The following CELF4 variants were observed in gnomAD, a reference collection of about 807,000 sequenced individuals.
CELF4 encodes the protein CUG-BP- and ETR-3-like factor 4.
Under a neutral mutation model 59.9 loss-of-function variants are expected in CELF4, and 18 were observed. The observed-to-expected ratio is 0.30, with a 90% CI of 0.21 to 0.45. CELF4 has a LOEUF of 0.45. Among genes scored for constraint, CELF4 ranks in the 20% least tolerant of loss-of-function variants. The pLI is 1.00. For synonymous variants in CELF4, 261 were observed against 267.1 expected, an observed-to-expected ratio of 0.98 and a Z score of 0.22; for missense variants, 456 against 689.0, an observed-to-expected ratio of 0.66 and a Z score of 3.79.
chr18:37,311,173 T>G (rs2096633666), intron 3 of CELF4, among the ~76,000 whole-genome samples: 1 of 152,132 alleles, frequency 6.6e-6, no homozygotes, highest in African/African-American at 2.4e-5. Context: ...AAAAACAAAA[T>G]GCAGATCAAT....
chr18:37,401,217 G>A (rs1241495103), intron 2 of CELF4, among the ~76,000 whole-genome samples: 1 of 152,158 alleles, frequency 6.6e-6, no homozygotes, highest in Non-Finnish European at 1.5e-5. Flanking sequence ...AGAAAGCGAC[G>A]GACATGGAGA....
chr18:37,402,275 C>T (rs1321993477), intron 2 of CELF4, among the ~76,000 whole-genome samples: 1 of 152,202 alleles, frequency 6.6e-6, no homozygotes, highest in South Asian at 2.1e-4. Flanking sequence ...AGTTTAATTA[C>T]CATCCGTCTT....
intron 12 of CELF4, among the ~76,000 whole-genome samples, chr18:37,250,869 C>T (rs1404414258): frequency 6.6e-6 from 1 of 152,160 alleles, no homozygotes; most frequent in Non-Finnish European, 1.5e-5. Flanking sequence ...TAAATGTCAA[C>T]CTTACTGTAG....
At chr18:37,477,899 T>C (rs1219822465) in intron 2 of CELF4, among the ~76,000 whole-genome samples, 1 of 152,066 alleles carries the variant, frequency 6.6e-6, no homozygotes, top group Non-Finnish European at 1.5e-5. Context: ...AGTGTGAAAA[T>C]TGCAAAATGC....
intron 3 of CELF4, among the ~76,000 whole-genome samples, chr18:37,288,736 A>G (rs1480549401): frequency 6.6e-6 from 1 of 152,114 alleles, no homozygotes; most frequent in Non-Finnish European, 1.5e-5. Flanking sequence ...ATTCTTTCTA[A>G]TGACTAATGA....
chr18:37,426,013 T>G (rs2099609921), intron 2 of CELF4, among the ~76,000 whole-genome samples: 1 of 152,166 alleles, frequency 6.6e-6, no homozygotes, highest in South Asian at 2.1e-4. Flanking sequence ...TGAGGGACAG[T>G]GGCCACTGGG....
At chr18:37,563,953 C>T (rs1056812814) in intron 1 of CELF4, among the ~76,000 whole-genome samples, 1 of 152,178 alleles carries the variant, frequency 6.6e-6, no homozygotes. Flanking sequence ...AAAATCGCTG[C>T]TGCTTAGAGA....
intron 1 of CELF4, among the ~76,000 whole-genome samples, chr18:37,554,538 T>C (rs2099984215): frequency 6.6e-6 from 1 of 151,988 alleles, no homozygotes; most frequent in Non-Finnish European, 1.5e-5. Flanking sequence ...CACCCGCCCC[T>C]CATCTTAGCA....
chr18:37,353,156 A>G (rs2920475), intron 2 of CELF4, among the ~76,000 whole-genome samples: 90,909 of 147,668 alleles, frequency 0.62, 28,931 homozygotes, highest in East Asian at 0.79. Flanking sequence ...GGGAGGCGGA[A>G]GTTGCAGTGA....
chr18:37,447,253 C>T (rs912149556), intron 2 of CELF4, among the ~76,000 whole-genome samples: 7 of 152,204 alleles, frequency 4.6e-5, no homozygotes, highest in African/African-American at 7.2e-5. Context: ...ATCCAGAGCA[C>T]GTCACAGAGA....
intron 1 of CELF4, among the ~76,000 whole-genome samples, chr18:37,514,131 T>C (rs2154604408): frequency 6.6e-6 from 1 of 152,290 alleles, no homozygotes; most frequent in Admixed American, 6.5e-5. Flanking sequence ...GGGTCCCTGG[T>C]ACCTCTTTCT....
In CELF4 at chr18:37,296,342, C is replaced by T. The variant is rs527480411; in HGVS notation, c.449-21099G>A. Among the ~76,000 whole-genome samples the T allele has an allele frequency of 2.6e-3, 402 of 152,268 alleles. 4 individuals are homozygous for T. Among genetic ancestry groups the T allele is most frequent in the African/African-American group, 9.4e-3 (390 of 41,558 alleles). ...GAGACCACAGCTGGCATTACAGGTG[C>T]ATGCCACCATGCCTGCCTAATTTTT... On this transcript the variant is annotated intron_variant, in intron 3 of 12. Coordinates refer to ENST00000420428, the MANE Select transcript of CELF4 (RefSeq NM_020180.4).
intron 3 of CELF4, chr18:37,306,281 G>C (rs767654326): frequency 6.6e-6 from 1 of 152,280 alleles, no homozygotes; most frequent in Non-Finnish European, 1.5e-5. Flanking sequence ...TCTGCCTTCC[G>C]GCAAAGCAGA....
intron 2 of CELF4, among the ~76,000 whole-genome samples, chr18:37,385,354 CAA>C (rs34504926): frequency 0.022 from 2,174 of 100,404 alleles, 41 homozygotes; most frequent in African/African-American, 0.074. Flanking sequence ...GACTCCATCT[CAA>C]AAAAAAAAAA....
intron 2 of CELF4, among the ~76,000 whole-genome samples, chr18:37,427,993 C>T (rs747493629): frequency 3.3e-5 from 5 of 152,214 alleles, no homozygotes; most frequent in African/African-American, 9.6e-5. Flanking sequence ...GTGCACACCC[C>T]GGCATACATG....
chr18:37,294,450 C>T (rs6507193), intron 3 of CELF4, among the ~76,000 whole-genome samples: 72,605 of 151,970 alleles, frequency 0.48, 17,742 homozygotes, highest in South Asian at 0.62. Flanking sequence ...CCAGCTTAGG[C>T]CCTGCTCCTA....
chr18:37,538,846 A>G (rs1410322614), intron 1 of CELF4, among the ~76,000 whole-genome samples: 1 of 152,176 alleles, frequency 6.6e-6, no homozygotes, highest in Non-Finnish European at 1.5e-5. Context: ...TCCAGGCTGT[A>G]AACAACATGC....
At chr18:37,526,699 A>G (rs2154604889) in intron 1 of CELF4, among the ~76,000 whole-genome samples, 1 of 152,342 alleles carries the variant, frequency 6.6e-6, no homozygotes, top group Non-Finnish European at 1.5e-5. Flanking sequence ...CAAACTCTGG[A>G]CGTCCTTCTT....
At chr18:37,334,396 T>C (rs977516520) in intron 2 of CELF4, among the ~76,000 whole-genome samples, 1 of 152,184 alleles carries the variant, frequency 6.6e-6, no homozygotes, top group Non-Finnish European at 1.5e-5. Flanking sequence ...CACAACCATC[T>C]AGGAGCCCTC....
Sources: allele counts gnomAD v4.1 joint callset (sites outside exome capture counted in the v4.1 genomes callset), GRCh38; gene constraint gnomAD v4.1.1; transcripts MANE v1.5; gene names NCBI Gene and HGNC (gene_info 2026-07-23, HGNC 2026-07-21).